Variants in CFAP74 observed in about 807,000 individuals in gnomAD.
CFAP74 encodes cilia- and flagella-associated protein 74.
A neutral mutation model predicts 188.9 loss-of-function variants in CFAP74; 124 were observed. The observed-to-expected ratio is 0.66, with a 90% confidence interval of 0.57 to 0.76. The LOEUF (loss-of-function observed/expected upper bound fraction) is 0.76, where lower values mean the gene tolerates loss of function less well. Among genes scored for constraint, CFAP74 ranks in the 30% least tolerant of loss-of-function variants. The pLI is 0.00. For synonymous variants in CFAP74, 956 were observed against 916.7 expected, an observed-to-expected ratio of 1.04 and a Z score of -0.77; for missense variants, 2,198 against 2,165.2, an observed-to-expected ratio of 1.02 and a Z score of -0.30.
intron 13 of CFAP74, 74 bp downstream of exon 13, chr1:1,964,814 G>A (rs945753275): frequency 3.2e-6 from 5 of 1,547,200 alleles, no homozygotes; most frequent in Non-Finnish European, 4.4e-6. Context: ...GGTGTCAGGG[G>A]TTGGGCTGCG....
chr1:1,963,737 C>A lies in CFAP74; in HGVS notation c.1694+12G>T, dbSNP rs911305878. On this transcript the variant is annotated intron_variant, in intron 14 of 38. Transcript: ENST00000682832. ...TGCACCGCGTCCCTCCCTGTCTGAGCCGTCCTCTTACTCAACGTGGATGAA... is the reference window on the plus strand; with the variant it reads ...TGCACCGCGTCCCTCCCTGTCTGAGACGTCCTCTTACTCAACGTGGATGAA... 6.3e-7 allele frequency: 1 copy of A among 1,577,070 alleles called. No homozygotes were observed. The highest frequency in any genetic ancestry group is 8.7e-7 in the Non-Finnish European group (1 of 1,147,328).
chr1:1,934,062 A>G lies in CFAP74; in HGVS notation c.3012-3726T>C, dbSNP rs112740630. Among the ~76,000 whole-genome samples, 371 of 152,336 alleles carry G rather than the reference A, an allele frequency of 2.4e-3. 1 individual carries two copies. Among genetic ancestry groups the G allele is most frequent in the African/African-American group, 8.3e-3 (346 of 41,584 alleles). On this transcript the variant is annotated intron_variant, in intron 25 of 38. Coordinates refer to ENST00000682832, the MANE Select transcript of CFAP74 (RefSeq NM_001304360.2). The stretch of plus-strand genomic sequence containing the variant: ...GACAAGCAAAATCCAGACCAGCAGC[A>G]GGGGTCTGAGGCCACCGGCATGAGG...
At chr1:1,983,847 C>T (rs1570975835) in intron 6 of CFAP74, 1 of 152,216 alleles carries the variant, frequency 6.6e-6, no homozygotes. Context: ...TGCCAGCACG[C>T]CCGGCTAATT....
chr1:1,970,309 G>A lies in CFAP74; in HGVS notation c.1046+350C>T, dbSNP rs545494579. On this transcript the variant is annotated intron_variant, in intron 10 of 38. Coordinates refer to ENST00000682832, the MANE Select transcript of CFAP74 (RefSeq NM_001304360.2). Reference sequence around the variant, plus strand: ...TCCCTGGAGGGGCCTGGTGCTCCCTGGAGACTTCTGGGTGGGCCAGGAAAG... The same window carrying A: ...TCCCTGGAGGGGCCTGGTGCTCCCTAGAGACTTCTGGGTGGGCCAGGAAAG... Among the ~76,000 whole-genome samples the A allele has an allele frequency of 1.8e-4, 28 of 152,308 alleles. No individual in the cohort carries two copies. The East Asian group carries it at 5.4e-3, about 29-fold the overall frequency.
intron 14 of CFAP74, among the ~76,000 whole-genome samples, chr1:1,961,296 A>T (rs1222232918): frequency 2.0e-5 from 3 of 152,180 alleles, no homozygotes; most frequent in Admixed American, 6.5e-5. Flanking sequence ...TTCAGATTCA[A>T]CAGCACAGTG....
At chr1:1,995,596 A>G (rs373709274) in intron 1 of CFAP74, among the ~76,000 whole-genome samples, 2 of 151,948 alleles carry the variant, frequency 1.3e-5, no homozygotes, top group African/African-American at 4.8e-5. Context: ...AAAGGGAAGT[A>G]TATTATCGAG....
rs1354341591 is a variant in CFAP74, at chr1:1,966,370, C to A, written c.1401+1G>T. 11 of 1,528,456 alleles carry A rather than the reference C, an allele frequency of 7.2e-6. No individual in the cohort carries two copies. Among genetic ancestry groups the A allele is most frequent in the Non-Finnish European group, 9.7e-6 (11 of 1,132,576 alleles). 94.7% of individuals were successfully genotyped at this position (1,528,456 alleles called of 1,614,324 possible). Reference sequence around the variant, plus strand: ...GCGTCTAAAGGAGCAGGAGCTGATACCTGGTATGGCTTGTAGTCTTCATTC... The same window carrying A: ...GCGTCTAAAGGAGCAGGAGCTGATAACTGGTATGGCTTGTAGTCTTCATTC... On this transcript the variant is annotated splice_donor_variant, in intron 12 of 38. Coordinates refer to ENST00000682832, the MANE Select transcript of CFAP74 (RefSeq NM_001304360.2). LOFTEE classifies it high-confidence loss of function.
At position 1,923,912 on chromosome 1, in the gene CFAP74, C is replaced by T. The variant is rs151074450; in HGVS notation, c.4252G>A (p.Gly1418Ser). ...TEVVGTQNLN[G>S]QSVFSVAPVK... ...GGGGCCACGCTGAACACGCTCTGAC[C>T]GTTGAGATTCTGCGTCCCTGCGGGT... Residue 1418 changes from glycine to serine, a missense_variant, in exon 35 of 39, where the codon GGT becomes AGT. Coordinates refer to ENST00000682832, the MANE Select transcript of CFAP74 (RefSeq NM_001304360.2). The surrounding 1 kb of genome is among the most constrained non-coding windows in gnomAD (Gnocchi z 6.3). 54 of 1,610,896 alleles carry T rather than the reference C, an allele frequency of 3.4e-5. No individual in the cohort carries two copies. Among genetic ancestry groups the T allele is most frequent in the Middle Eastern group, 1.6e-4 (1 of 6,068 alleles).
rs758822438 is a variant in CFAP74, at chr1:1,923,913, G to T, written c.4251C>A (p.Asn1417Lys). The change falls in exon 35 of 39, where the codon AAC becomes AAA. Residue 1417 changes from asparagine (N) to lysine (K), a missense_variant. Transcript: ENST00000682832. The surrounding 1 kb of genome is among the most constrained non-coding windows in gnomAD (Gnocchi z 6.3). ...RTEVVGTQNLNGQSVFSVAPV... is the reference protein window; with the variant it reads ...RTEVVGTQNLKGQSVFSVAPV... ...GGGCCACGCTGAACACGCTCTGACC[G>T]TTGAGATTCTGCGTCCCTGCGGGTA... The T allele has an allele frequency of 1.9e-6, 3 of 1,610,864 alleles. No individual in the cohort carries two copies. The highest frequency in any genetic ancestry group is 1.7e-6 in the Non-Finnish European group (2 of 1,178,552).
intron 10 of CFAP74, among the ~76,000 whole-genome samples, chr1:1,969,164 TGCTCAGTCCTGCCC>T (rs1655705979): frequency 6.9e-6 from 1 of 143,898 alleles, no homozygotes; most frequent in Non-Finnish European, 1.5e-5. Flanking sequence ...AGCCCAGTCC[TGCTCAGTCCTGCCC>T]AGCCCTGCCC....
intron 17 of CFAP74, 92 bp from the exon 18 acceptor site, chr1:1,955,942 G>A: frequency 6.7e-7 from 1 of 1,493,388 alleles, no homozygotes. Context: ...AGGCCGTGTT[G>A]GGGGCTGGAC....
chr1:1,985,271 C>G, intron 6 of CFAP74, 115 bp downstream of exon 6: 1 of 803,878 alleles, frequency 1.2e-6, no homozygotes, highest in Non-Finnish European at 2.1e-6. Flanking sequence ...CACTTCCCCG[C>G]AGTTTGCCGG....
chr1:1,986,867 T>G (rs1657270867), intron 5 of CFAP74, 70 bp downstream of exon 5: 2 of 1,338,816 alleles, frequency 1.5e-6, no homozygotes, highest in Non-Finnish European at 2.1e-6. Context: ...CGCCTCACTT[T>G]GGGTGAACCA....
chr1:1,980,955 G>A (rs542276942), intron 6 of CFAP74, among the ~76,000 whole-genome samples: 2 of 152,348 alleles, frequency 1.3e-5, no homozygotes, highest in African/African-American at 4.8e-5. Flanking sequence ...AGGGACACGT[G>A]CTGGGGAAGG....
chr1:1,993,062 A>G (rs563080057), intron 1 of CFAP74, among the ~76,000 whole-genome samples: 6 of 151,514 alleles, frequency 4.0e-5, no homozygotes, highest in East Asian at 2.0e-4. Flanking sequence ...CTAGCCAGGT[A>G]TGGTGGCAGG....
chr1:1,970,988 GCACACA>G (rs138859689), intron 9 of CFAP74, among the ~76,000 whole-genome samples, 172 bp from the exon 10 acceptor site: 1 of 147,814 alleles, frequency 6.8e-6, no homozygotes, highest in Non-Finnish European at 1.5e-5. Context: ...GCACACACGT[GCACACA>G]CACACGCACA....
At chr1:1,978,246 G>A (rs1413773983) in intron 6 of CFAP74, among the ~76,000 whole-genome samples, 1 of 152,206 alleles carries the variant, frequency 6.6e-6, no homozygotes, top group Middle Eastern at 3.2e-3. Flanking sequence ...AGCACCGAGG[G>A]GCACTCCGGA....
intron 16 of CFAP74, 25 bp downstream of exon 16, chr1:1,959,095 C>A: frequency 6.5e-7 from 1 of 1,548,284 alleles, no homozygotes; most frequent in Non-Finnish European, 8.9e-7. Context: ...CCGAGAAATG[C>A]TGGCTCGGAC....
rs756121380 is a variant in CFAP74, at chr1:1,925,873, G to A, written c.4014C>T (p.Gly1338=). The change falls in exon 33 of 39, where the codon GGC becomes GGT. Residue 1338 remains glycine (G), a synonymous_variant. Transcript: ENST00000682832. ...TGGAGCACGTGATCATGGACGCCAC[G>A]CCAGTGCCCATGAGGGTGAGGGTGA... ...GTLTLTLMGT[G]VASMITCSIE... is the part of the protein sequence containing the mutation. 26 of 1,612,518 alleles carry A rather than the reference G, an allele frequency of 1.6e-5. No homozygotes were observed. The highest frequency in any genetic ancestry group is 1.9e-5 in the Non-Finnish European group (22 of 1,179,864).
Sources: allele counts gnomAD v4.1 joint callset (sites outside exome capture counted in the v4.1 genomes callset), GRCh38; gene constraint gnomAD v4.1.1; non-coding constraint Gnocchi (gnomAD v3.1); transcripts MANE v1.5; gene names NCBI Gene and HGNC (gene_info 2026-07-23, HGNC 2026-07-21).